The following GRIN3A variants were observed in gnomAD, a reference collection of about 807,000 sequenced individuals.
The protein encoded by GRIN3A is glutamate ionotropic receptor NMDA type subunit 3A.
A neutral mutation model predicts 92.4 loss-of-function variants in GRIN3A; 47 were observed. That is an observed-to-expected ratio of 0.51 (90% CI 0.40 to 0.65). The LOEUF (loss-of-function observed/expected upper bound fraction) is 0.65, where lower values mean the gene tolerates loss of function less well. Among genes scored for constraint, GRIN3A ranks in the 30% least tolerant of loss-of-function variants. The pLI is 0.00. For missense variants in GRIN3A, 1,324 were observed against 1,393.1 expected (o/e 0.95, Z 0.79); for synonymous variants, 527 against 540.6 (o/e 0.97, Z 0.35).
intron 3 of GRIN3A, among the ~76,000 whole-genome samples, chr9:101,660,143 C>A (rs541137285): frequency 5.2e-4 from 79 of 151,956 alleles, no homozygotes; most frequent in Non-Finnish European, 1.1e-3. Flanking sequence ...GGATCCAAAA[C>A]CACCTAGGCT....
intron 3 of GRIN3A, among the ~76,000 whole-genome samples, chr9:101,646,225 A>G (rs1828935470): frequency 6.6e-6 from 1 of 151,808 alleles, no homozygotes; most frequent in African/African-American, 2.4e-5. Context: ...TAAGTCTTTA[A>G]ACCATTTTGA....
intron 1 of GRIN3A, among the ~76,000 whole-genome samples, chr9:101,733,801 A>T (rs931881383): frequency 1.3e-5 from 2 of 152,222 alleles, no homozygotes; most frequent in African/African-American, 4.8e-5. Context: ...TGAAGCAGGC[A>T]AAGTTGTGGT....
rs370474246 is a variant in GRIN3A at position 101,573,386 on chromosome 9, T to C, written c.3136A>G (p.Ile1046Val). 1.1e-5 allele frequency: 18 copies of C among 1,613,984 alleles called. No individual in the cohort carries two copies. Among genetic ancestry groups the C allele is most frequent in the Non-Finnish European group, 1.5e-5 (18 of 1,179,984 alleles). The change falls in exon 9 of 9, where the codon ATC (isoleucine) becomes GTC (valine). Residue 1046 changes from isoleucine (I) to valine (V), a missense_variant. By Grantham distance (29) the Ile-to-Val change is conservative (BLOSUM62 3). Transcript: ENST00000361820. ...NQLGIRIHQDIPLPPRRRELP... is the reference protein window; with the variant it reads ...NQLGIRIHQDVPLPPRRRELP... ...TCTCTTCTCCTTGGAGGGAGGGGGA[T>C]GTCCTGGTGGATCCGGATGCCCAGC...
chr9:101,671,080 G>C lies in GRIN3A; in HGVS notation c.1332C>G (p.Gly444=), dbSNP rs1184648008. 6.2e-7 allele frequency: 1 copy of C among 1,613,592 alleles called. No individual in the cohort carries two copies. The highest frequency in any genetic ancestry group is 8.5e-7 in the Non-Finnish European group (1 of 1,179,534). ...CTTTTACTCTGATGGAACCACTGAG[G>C]CCTCTGAAAGTGGTATTGGCTAGAA... ...SRFLANTTFR[G]LSGSIRVKGS... Residue 444 remains glycine, a synonymous_variant, in exon 3 of 9, where the codon GGC becomes GGG. Transcript: ENST00000361820.
intron 6 of GRIN3A, among the ~76,000 whole-genome samples, chr9:101,612,815 T>A (rs1389524514): frequency 6.6e-6 from 1 of 152,236 alleles, no homozygotes; most frequent in African/African-American, 2.4e-5. Context: ...AAACCACTGA[T>A]TATCTCTGGG....
At chr9:101,724,849 T>C (rs986850575) in intron 1 of GRIN3A, among the ~76,000 whole-genome samples, 2 of 152,240 alleles carry the variant, frequency 1.3e-5, no homozygotes, top group Admixed American at 6.5e-5. Context: ...TTCTTCCCAG[T>C]CTTGGGTATG....
At chr9:101,590,004 TATTTAAA>T (rs1207006850) in intron 6 of GRIN3A, among the ~76,000 whole-genome samples, 3 of 152,372 alleles carry the variant, frequency 2.0e-5, no homozygotes, top group Admixed American at 6.5e-5. Flanking sequence ...TTTAGGTTTT[TATTTAAA>T]ATCTTTAAAG....
chr9:101,705,420 C>A (rs1829803575), intron 1 of GRIN3A, among the ~76,000 whole-genome samples: 1 of 152,098 alleles, frequency 6.6e-6, no homozygotes, highest in Non-Finnish European at 1.5e-5. Context: ...CTCCAGCTCC[C>A]CATCCCGCTG....
At chr9:101,627,159 G>T (rs1828644155) in intron 4 of GRIN3A, among the ~76,000 whole-genome samples, 1 of 152,172 alleles carries the variant, frequency 6.6e-6, no homozygotes, top group South Asian at 2.1e-4. Context: ...AAGAAGATCT[G>T]GGAGGTAAAG....
At chr9:101,715,582 G>T (rs1436608374) in intron 1 of GRIN3A, among the ~76,000 whole-genome samples, 2 of 151,848 alleles carry the variant, frequency 1.3e-5, no homozygotes, top group Non-Finnish European at 2.9e-5. Flanking sequence ...ACATTTTTTT[G>T]ATTTTTATCA....
chr9:101,595,164 C>A (rs1229964821), intron 6 of GRIN3A: 1 of 572,152 alleles, frequency 1.7e-6, no homozygotes, highest in Non-Finnish European at 3.1e-6. Context: ...GCTGTCTGGG[C>A]AGGAGTATAG....
At chr9:101,620,162 C>T (rs1156979703) in intron 5 of GRIN3A, among the ~76,000 whole-genome samples, 1 of 152,104 alleles carries the variant, frequency 6.6e-6, no homozygotes, top group African/African-American at 2.4e-5. Flanking sequence ...GACTTAAAAA[C>T]AAAAGAAATT....
intron 1 of GRIN3A, among the ~76,000 whole-genome samples, chr9:101,732,503 C>T (rs1051772432): frequency 2.0e-5 from 3 of 152,074 alleles, no homozygotes; most frequent in African/African-American, 4.8e-5. Flanking sequence ...AGTACTGTGG[C>T]ATGTCTTCTT....
chr9:101,659,498 TAGAAAGTATCTATGTATTTATTTATAC>T (rs1829141689), intron 3 of GRIN3A, among the ~76,000 whole-genome samples: 1 of 61,728 alleles, frequency 1.6e-5, no homozygotes. Flanking sequence ...TATTTATACA[TAGAAAGTATCTATGTATTTATTTATAC>T]ATAGAAAGTA....
chr9:101,628,611 A>C (rs2118879114), intron 3 of GRIN3A, among the ~76,000 whole-genome samples: 1 of 152,370 alleles, frequency 6.6e-6, no homozygotes, highest in South Asian at 2.1e-4. Context: ...GATGGAAACG[A>C]CAAACAAAAA....
chr9:101,687,075 G>A lies in GRIN3A; in HGVS notation c.825C>T (p.Asn275=). The A allele has an allele frequency of 6.2e-7, 1 of 1,614,144 alleles. No homozygotes were observed. The highest frequency in any genetic ancestry group is 8.5e-7 in the Non-Finnish European group (1 of 1,180,016). ...FSLLLCQEDW[N]ITDFLLLTQN... The stretch of plus-strand genomic sequence containing the variant: ...GGGTAAGGAGGAGGAAGTCGGTGAT[G>A]TTCCAGTCTTCCTGGCACAGCAACA... The change falls in exon 2 of 9, where the codon AAC becomes AAT. Residue 275 remains asparagine, a synonymous_variant. Transcript: ENST00000361820.
rs1830238419 is a variant in GRIN3A, at chr9:101,737,861, A to T, written c.119T>A (p.Ile40Asn). The T allele has an allele frequency of 1.3e-6, 2 of 1,533,640 alleles. No homozygotes were observed. The highest frequency in any genetic ancestry group is 2.7e-5 in the African/African-American group (2 of 72,950). ...CACCGCGTGCCCGATGCGCTTGAGGATCTGGCAGGGCTGCGGGTGCGAGGA... is the reference window on the plus strand; with the variant it reads ...CACCGCGTGCCCGATGCGCTTGAGGTTCTGGCAGGGCTGCGGGTGCGAGGA... Reference protein sequence around the residue: ...SSSSHPQPCQILKRIGHAVRV... With the variant: ...SSSSHPQPCQNLKRIGHAVRV... The change falls in exon 1 of 9, where the codon ATC becomes AAC. Residue 40 changes from isoleucine (I) to asparagine (N), a missense_variant. Coordinates refer to ENST00000361820, the MANE Select transcript of GRIN3A (RefSeq NM_133445.3).
In GRIN3A at chr9:101,607,227, G is replaced by A. The variant is rs73509320; in HGVS notation, c.2766+6149C>T. 7.5e-3 allele frequency among the ~76,000 whole-genome samples: 1,141 copies of A among 152,106 alleles called. 15 individuals carry two copies. The highest frequency in any genetic ancestry group is 0.027 in the African/African-American group (1,100 of 41,486). On this transcript the variant is annotated intron_variant, in intron 6 of 8. Coordinates refer to ENST00000361820, the MANE Select transcript of GRIN3A (RefSeq NM_133445.3). ...ATAGCTCTGGGGCTACAAAGAGATG[G>A]AAGGTGAATAGGTCAAGGTTCTCAC...
chr9:101,614,221 A>G (rs1828407882), intron 5 of GRIN3A, among the ~76,000 whole-genome samples: 2 of 152,232 alleles, frequency 1.3e-5, no homozygotes, highest in Non-Finnish European at 2.9e-5. Flanking sequence ...TATATGGTTG[A>G]ATATTGACAT....
Sources: gnomAD v4.1 joint callset for allele counts (sites outside exome capture counted in the v4.1 genomes callset) on GRCh38, gnomAD v4.1.1 for gene constraint, MANE v1.5 for transcripts, NCBI Gene and HGNC (gene_info 2026-07-23, HGNC 2026-07-21) for gene names.